The following PKHD1 variants were observed in gnomAD, a reference collection of about 807,000 sequenced individuals.
The protein encoded by PKHD1 is PKHD1 ciliary IPT domain containing fibrocystin/polyductin.
In PKHD1, 291 loss-of-function variants were observed where a neutral mutation model predicts 412.0. The observed-to-expected ratio is 0.71, with a 90% CI of 0.64 to 0.78. The LOEUF (loss-of-function observed/expected upper bound fraction) is 0.78. Among genes scored for constraint, PKHD1 ranks in the 30% least tolerant of loss-of-function variants. The pLI, the probability that PKHD1 is intolerant of heterozygous loss-of-function variation, is 0.00. For missense variants in PKHD1, 4,825 were observed against 4,950.7 expected, an observed-to-expected ratio of 0.97 and a Z score of 0.76; for synonymous variants, 1,777 against 1,821.5, an observed-to-expected ratio of 0.98 and a Z score of 0.62.
In PKHD1 at chr6:52,027,854, G is replaced by C; in HGVS notation, c.3603C>G (p.Ile1201Met). The C allele has an allele frequency of 6.2e-7, 1 of 1,613,288 alleles. No homozygotes were observed. Among genetic ancestry groups the C allele is most frequent in the Non-Finnish European group, 8.5e-7 (1 of 1,179,214 alleles). ...CCAGCAGGGACCCACAGCAAGGCTC[G>C]ATGCTGAAAACTTCTGTGAGGTACT... is the stretch of plus-strand genomic sequence containing the variant. ...HIQYLTEVFS[I>M]EPCCGSLLGG... Residue 1201 changes from isoleucine to methionine, a missense_variant, in exon 31 of 67, where the codon ATC (isoleucine) becomes ATG (methionine). By Grantham distance (10) the Ile-to-Met change is conservative. Coordinates refer to ENST00000371117, the MANE Select transcript of PKHD1 (RefSeq NM_138694.4).
At chr6:52,003,844 C>T (rs1798736802) in intron 35 of PKHD1, among the ~76,000 whole-genome samples, 1 of 152,084 alleles carries the variant, frequency 6.6e-6, no homozygotes, top group African/African-American at 2.4e-5. Flanking sequence ...ATTGCATTTC[C>T]ATAATTTTTT....
chr6:51,851,344 T>G (rs561624191), intron 49 of PKHD1, among the ~76,000 whole-genome samples: 5 of 152,200 alleles, frequency 3.3e-5, no homozygotes, highest in Non-Finnish European at 7.3e-5. Context: ...TCAGGGATAT[T>G]GGCCTGAAAT....
intron 37 of PKHD1, among the ~76,000 whole-genome samples, chr6:51,931,969 G>C (rs1786692924): frequency 6.6e-6 from 1 of 151,468 alleles, no homozygotes; most frequent in Non-Finnish European, 1.5e-5. Flanking sequence ...AGAGAGAGGA[G>C]GGAGAAGGAG....
intron 52 of PKHD1, among the ~76,000 whole-genome samples, chr6:51,820,281 A>C (rs4711982): frequency 0.92 from 140,210 of 152,232 alleles, 65,719 homozygotes; most frequent in East Asian, 1. Flanking sequence ...TTCAAAATCC[A>C]AGAACATTAT....
intron 52 of PKHD1, among the ~76,000 whole-genome samples, chr6:51,802,254 TCAAA>T (rs1365583488): frequency 6.8e-6 from 1 of 147,540 alleles, no homozygotes; most frequent in East Asian, 1.9e-4. Flanking sequence ...ACAACAACAA[TCAAA>T]CAAACAAAAA....
At chr6:52,062,787 C>A in intron 13 of PKHD1, 127 bp from the exon 14 acceptor site, 1 of 1,084,016 alleles carries the variant, frequency 9.2e-7, no homozygotes, top group Non-Finnish European at 1.4e-6. Context: ...CAACCTAGAG[C>A]CAGATAGAGT....
chr6:51,696,106 A>G (rs1778773868), intron 60 of PKHD1, among the ~76,000 whole-genome samples: 1 of 152,240 alleles, frequency 6.6e-6, no homozygotes, highest in South Asian at 2.1e-4. Flanking sequence ...ATTTACAAAT[A>G]TGAACATTTA....
chr6:51,713,838 A>G (rs1441940585), intron 60 of PKHD1, among the ~76,000 whole-genome samples: 2 of 152,158 alleles, frequency 1.3e-5, no homozygotes, highest in African/African-American at 4.8e-5. Context: ...ACAGACACAT[A>G]TCTGGTCTAC....
intron 60 of PKHD1, among the ~76,000 whole-genome samples, chr6:51,694,560 T>C (rs1778570839): frequency 7.3e-6 from 1 of 137,586 alleles, no homozygotes; most frequent in Non-Finnish European, 1.6e-5. Flanking sequence ...TTTTTTTTTT[T>C]TTTTTTTTTT....
chr6:51,639,144 T>C (rs1768997924), intron 63 of PKHD1, among the ~76,000 whole-genome samples, 188 bp from the exon 64 acceptor site: 1 of 152,134 alleles, frequency 6.6e-6, no homozygotes, highest in Non-Finnish European at 1.5e-5. Flanking sequence ...GAATAACAGT[T>C]AACATATATT....
chr6:52,033,153 G>T lies in PKHD1; in HGVS notation c.3241C>A (p.Arg1081Ser). ...CTGATCACAGTCACATTCACAATGCGTCCATCTTTCCCCTGAAAAATCAAT... is the reference window on the plus strand; with the variant it reads ...CTGATCACAGTCACATTCACAATGCTTCCATCTTTCCCCTGAAAAATCAAT... ...CKVPPRGKDGRIVNVTVIRGD... is the reference protein window; with the variant it reads ...CKVPPRGKDGSIVNVTVIRGD... Residue 1081 changes from arginine to serine, a missense_variant, in exon 29 of 67, where the codon CGC becomes AGC. Physicochemically the swap from Arg to Ser is moderately radical, Grantham distance 110 (BLOSUM62 -1). Coordinates refer to ENST00000371117, the MANE Select transcript of PKHD1 (RefSeq NM_138694.4). The T allele has an allele frequency of 6.2e-7, 1 of 1,612,292 alleles. No homozygotes were observed. Among genetic ancestry groups the T allele is most frequent in the Non-Finnish European group, 8.5e-7 (1 of 1,178,516 alleles).
chr6:51,728,867 G>A (rs1401673061), intron 60 of PKHD1, among the ~76,000 whole-genome samples: 1 of 152,244 alleles, frequency 6.6e-6, no homozygotes, highest in African/African-American at 2.4e-5. Flanking sequence ...ATCATGATAA[G>A]TGGTGGCAGT....
At chr6:51,965,743 T>C (rs1187468901) in intron 35 of PKHD1, among the ~76,000 whole-genome samples, 1 of 152,126 alleles carries the variant, frequency 6.6e-6, no homozygotes, top group Admixed American at 6.6e-5. Context: ...AGGCAATTCA[T>C]TGTCTTATCT....
chr6:52,006,182 A>G (rs2128107510), intron 35 of PKHD1, among the ~76,000 whole-genome samples: 1 of 151,480 alleles, frequency 6.6e-6, no homozygotes, highest in South Asian at 2.1e-4. Flanking sequence ...TTATATATAT[A>G]TATATATTTT....
chr6:51,772,444 C>T (rs532343464), intron 55 of PKHD1, among the ~76,000 whole-genome samples: 1 of 151,922 alleles, frequency 6.6e-6, no homozygotes, highest in African/African-American at 2.4e-5. Context: ...ATTTTATGGA[C>T]AGCAATAATT....
At chr6:51,797,537 C>T (rs985784567) in intron 52 of PKHD1, among the ~76,000 whole-genome samples, 2 of 152,006 alleles carry the variant, frequency 1.3e-5, no homozygotes, top group African/African-American at 2.4e-5. Context: ...TGAATTGAAC[C>T]CTTTACCATT....
intron 52 of PKHD1, among the ~76,000 whole-genome samples, chr6:51,821,452 T>C (rs1235987011): frequency 1.3e-5 from 2 of 152,234 alleles, no homozygotes; most frequent in African/African-American, 4.8e-5. Context: ...GATATTTATG[T>C]CTCCAAATAA....
At chr6:51,763,997 T>C (rs1343153813) in intron 55 of PKHD1, among the ~76,000 whole-genome samples, 1 of 151,270 alleles carries the variant, frequency 6.6e-6, no homozygotes, top group Admixed American at 6.6e-5. Flanking sequence ...ATGTGCACAT[T>C]GTGCAGGTTA....
intron 51 of PKHD1, 117 bp from the exon 52 acceptor site, chr6:51,831,106 T>C (rs1768171180): frequency 2.7e-6 from 2 of 737,232 alleles, no homozygotes; most frequent in Non-Finnish European, 2.3e-6. Context: ...CTATCAATAT[T>C]TTATAAGTTT....
Sources: allele counts gnomAD v4.1 joint callset (sites outside exome capture counted in the v4.1 genomes callset), GRCh38; gene constraint gnomAD v4.1.1; transcripts MANE v1.5; gene names NCBI Gene and HGNC (gene_info 2026-07-23, HGNC 2026-07-21).